The following CNTNAP2 variants were observed in gnomAD, a reference collection of about 807,000 sequenced individuals.
CNTNAP2 encodes the protein contactin-associated protein-like 2.
Under a neutral mutation model 155.2 loss-of-function variants are expected in CNTNAP2, and 98 were observed. The observed-to-expected ratio is 0.63, with a 90% confidence interval of 0.54 to 0.75. The LOEUF is 0.75. Ranked by LOEUF, CNTNAP2 falls within the 30% of genes least tolerant of loss-of-function variation. CNTNAP2 has a pLI of 0.00. For missense variants in CNTNAP2, 1,727 were observed against 1,688.1 expected, an observed-to-expected ratio of 1.02 and a Z score of -0.40; for synonymous variants, 651 against 631.2, an observed-to-expected ratio of 1.03 and a Z score of -0.47.
intron 17 of CNTNAP2, among the ~76,000 whole-genome samples, chr7:148,156,491 TA>T (rs558636895): frequency 1.1e-3 from 175 of 152,196 alleles, no homozygotes; most frequent in African/African-American, 4.0e-3. Context: ...GCTTGACCAC[TA>T]AGCATTGCAG....
intron 3 of CNTNAP2, among the ~76,000 whole-genome samples, chr7:146,865,111 A>C (rs1795178968): frequency 6.6e-6 from 1 of 152,014 alleles, no homozygotes; most frequent in Non-Finnish European, 1.5e-5. Flanking sequence ...AAGGAATACC[A>C]TTTAAAATAG....
intron 15 of CNTNAP2, among the ~76,000 whole-genome samples, chr7:147,997,674 G>C (rs1484125996): frequency 6.6e-6 from 1 of 152,136 alleles, no homozygotes; most frequent in Admixed American, 6.5e-5. Context: ...GATGCTCTGA[G>C]AGAGAGAGGA....
At position 146,325,691 on chromosome 7, in the gene CNTNAP2, A is replaced by T. The variant is rs143372842; in HGVS notation, c.97+208718A>T. ...TAGGCAGGACTGGCACATGACAGGT[A>T]TTTAATGCATCATTTCCTTACTTCC... On this transcript the variant is annotated intron_variant, in intron 1 of 23. Transcript: ENST00000361727. Among the ~76,000 whole-genome samples, 90 of 152,198 alleles carry T rather than the reference A, an allele frequency of 5.9e-4. 1 individual carries two copies. Among genetic ancestry groups the T allele is most frequent in the African/African-American group, 2.1e-3 (87 of 41,520 alleles).
At chr7:147,425,722 TG>T (rs1281159289) in intron 10 of CNTNAP2, among the ~76,000 whole-genome samples, 2 of 152,264 alleles carry the variant, frequency 1.3e-5, no homozygotes, top group East Asian at 3.9e-4. Flanking sequence ...GAAGGGTAAA[TG>T]GAAAATATCG....
chr7:147,621,524 T>C (rs936591817), intron 12 of CNTNAP2, among the ~76,000 whole-genome samples: 3 of 152,066 alleles, frequency 2.0e-5, no homozygotes, highest in African/African-American at 7.2e-5. Flanking sequence ...TTATTATTAC[T>C]TGTGCTTATT....
intron 1 of CNTNAP2, among the ~76,000 whole-genome samples, chr7:146,397,906 C>G (rs1795655697): frequency 7.1e-6 from 1 of 140,712 alleles, no homozygotes; most frequent in Non-Finnish European, 1.5e-5. Context: ...CATGGTCTTG[C>G]TCTGTTGTAC....
intron 10 of CNTNAP2, among the ~76,000 whole-genome samples, chr7:147,469,058 A>T (rs537835378): frequency 8.5e-5 from 13 of 152,070 alleles, no homozygotes; most frequent in Admixed American, 6.6e-4. Context: ...CCCAGGCTCA[A>T]GTGATCCACC....
intron 1 of CNTNAP2, among the ~76,000 whole-genome samples, chr7:146,603,872 G>A (rs1260057384): frequency 9.6e-5 from 14 of 145,782 alleles, no homozygotes; most frequent in Non-Finnish European, 3.0e-5. Flanking sequence ...CTAGCCATAT[G>A]TAGGAAGCTG....
chr7:146,483,282 A>AAT (rs200796835), intron 1 of CNTNAP2, among the ~76,000 whole-genome samples: 1,684 of 39,612 alleles, frequency 0.043, 40 homozygotes, highest in Non-Finnish European at 0.06. Context: ...TCTAAAAAAA[A>AAT]ATATATATAT....
chr7:146,279,760 A>T (rs747902071), intron 1 of CNTNAP2, among the ~76,000 whole-genome samples: 1 of 151,978 alleles, frequency 6.6e-6, no homozygotes, highest in Non-Finnish European at 1.5e-5. Flanking sequence ...ACAATTTTTC[A>T]TTCAGCAAAA....
At chr7:146,930,246 G>A (rs1796717101) in intron 3 of CNTNAP2, among the ~76,000 whole-genome samples, 1 of 152,194 alleles carries the variant, frequency 6.6e-6, no homozygotes, top group African/African-American at 2.4e-5. Flanking sequence ...TCTCTCGGCA[G>A]AAACTCTACA....
intron 3 of CNTNAP2, 137 bp downstream of exon 3, chr7:146,840,041 G>T: frequency 1.9e-6 from 2 of 1,070,378 alleles, no homozygotes; most frequent in Non-Finnish European, 2.7e-6. Flanking sequence ...CATCATTGTT[G>T]ATGGAAGAAA....
At chr7:146,395,442 A>G (rs1342385368) in intron 1 of CNTNAP2, among the ~76,000 whole-genome samples, 2 of 135,520 alleles carry the variant, frequency 1.5e-5, no homozygotes, top group African/African-American at 3.0e-5. Context: ...AACACATAAT[A>G]GTGCTAAATA....
intron 13 of CNTNAP2, among the ~76,000 whole-genome samples, chr7:147,705,435 TA>T (rs1345297194): frequency 6.6e-6 from 1 of 152,182 alleles, no homozygotes; most frequent in African/African-American, 2.4e-5. Flanking sequence ...TTTTGATTTT[TA>T]AAAGTTTCTT....
rs71188974 is a variant in CNTNAP2, at chr7:148,351,744, C to CAAAAAAAAAAAAAAAAAAAA, written c.3476-31889_3476-31888insAAAAAAAAAAAAAAAAAAAA. ...GGCAACAGAGTGAGACTCTGTCTCACAAAAAAAAAAAAAAAATAGAAACCG... is the reference window on the plus strand; with the variant it reads ...GGCAACAGAGTGAGACTCTGTCTCACAAAAAAAAAAAAAAAAAAAAAAAAAAAAAAAAAAAATAGAAACCG... On this transcript the variant is annotated intron_variant, in intron 21 of 23. Coordinates refer to ENST00000361727, the MANE Select transcript of CNTNAP2 (RefSeq NM_014141.6). Among the ~76,000 whole-genome samples, 84 of 85,374 alleles carry CAAAAAAAAAAAAAAAAAAAA rather than the reference C, an allele frequency of 9.8e-4. 2 individuals carry two copies. The highest frequency in any genetic ancestry group is 1.5e-3 in the African/African-American group (30 of 19,512). The allele number at this position is 85,374 out of a possible 152,430, so 56.0% of individuals were successfully genotyped here.
intron 13 of CNTNAP2, among the ~76,000 whole-genome samples, chr7:147,794,737 G>T (rs1287348482): frequency 1.3e-5 from 2 of 148,962 alleles, no homozygotes; most frequent in Admixed American, 6.7e-5. Context: ...TTTATGGGTA[G>T]TTTTTTTTTT....
In CNTNAP2 at chr7:147,033,688, A is replaced by G. The variant is rs151107792; in HGVS notation, c.403-10219A>G. Among the ~76,000 whole-genome samples the G allele has an allele frequency of 3.7e-3, 566 of 152,190 alleles. 9 individuals are homozygous for G. Among genetic ancestry groups the G allele is most frequent in the Middle Eastern group, 0.014 (4 of 292 alleles). ...TGAACACTGTGGTCATCAGATACAC[A>G]GGGACCAAAGAGGTATGGTCTGAAA... On this transcript the variant is annotated intron_variant, in intron 3 of 23. Coordinates refer to ENST00000361727, the MANE Select transcript of CNTNAP2 (RefSeq NM_014141.6).
intron 3 of CNTNAP2, among the ~76,000 whole-genome samples, chr7:146,861,513 A>G (rs758919935): frequency 3.3e-5 from 5 of 152,160 alleles, no homozygotes; most frequent in African/African-American, 4.8e-5. Context: ...CATAATTTCT[A>G]TTAATCTGAC....
intron 1 of CNTNAP2, among the ~76,000 whole-genome samples, chr7:146,356,311 G>T (rs1216766131): frequency 6.6e-6 from 1 of 152,228 alleles, no homozygotes; most frequent in African/African-American, 2.4e-5. Context: ...TAAGATGCTG[G>T]TTTTTTACCT....
Sources: allele counts gnomAD v4.1 joint callset (sites outside exome capture counted in the v4.1 genomes callset), GRCh38; gene constraint gnomAD v4.1.1; transcripts MANE v1.5; gene names NCBI Gene and HGNC (gene_info 2026-07-23, HGNC 2026-07-21).